The following FBXO10 variants were observed in gnomAD, a reference collection of about 807,000 sequenced individuals.
FBXO10 encodes F-box protein 10.
FBXO10 carries 39 observed loss-of-function variants against 80.7 expected under a neutral mutation model. That is an observed-to-expected ratio of 0.48 (90% confidence interval 0.37 to 0.63). The LOEUF (loss-of-function observed/expected upper bound fraction) is 0.63, where lower values mean the gene tolerates loss of function less well. FBXO10 is among the 30% of genes least tolerant of loss of function. The pLI, the probability that FBXO10 is intolerant of heterozygous loss-of-function variation, is 0.00. For missense variants in FBXO10, 1,025 were observed against 1,269.0 expected (o/e 0.81, Z 2.92); for synonymous variants, 449 against 489.6 (o/e 0.92, Z 1.09).
In FBXO10 at chr9:37,576,053, T is replaced by A. The variant is rs114832234; in HGVS notation, c.-7+158A>T. 5.3e-3 allele frequency among the ~76,000 whole-genome samples: 812 copies of A among 152,228 alleles called. 6 individuals carry two copies. Among genetic ancestry groups the A allele is most frequent in the African/African-American group, 0.018 (749 of 41,544 alleles). The stretch of plus-strand genomic sequence containing the variant: ...GCGGGCGGCCTGAGGGTACGCCTCA[T>A]GGTCCTGCCAGACCCCTGATGCCCG... On this transcript the variant is annotated intron_variant, in intron 1 of 10. Transcript: ENST00000432825.
rs371825378 is a variant in FBXO10 at position 37,537,401 on chromosome 9, G to A, written c.1128C>T (p.Tyr376=). 637 of 1,598,122 alleles carry A rather than the reference G, an allele frequency of 4.0e-4. No homozygotes were observed. The highest frequency in any genetic ancestry group is 4.8e-4 in the Non-Finnish European group (568 of 1,171,954). ...DEDQLMYRLS[Y]QVQGPRPVLG... ...ATACAGGGCGTGGGCCCTGCACTTG[G>A]TAGGATAGTCTGTACATCAGCTGGT... Residue 376 remains tyrosine, a synonymous_variant, in exon 3 of 11, where the codon TAC becomes TAT. Coordinates refer to ENST00000432825, the MANE Select transcript of FBXO10 (RefSeq NM_012166.3).
intron 1 of FBXO10, among the ~76,000 whole-genome samples, chr9:37,558,999 AC>A (rs1333859227): frequency 6.6e-6 from 1 of 151,992 alleles, no homozygotes; most frequent in Admixed American, 6.6e-5. Context: ...TTTAGTAGAG[AC>A]GAGGTTTCAC....
chr9:37,537,724 C>T lies in FBXO10; in HGVS notation c.805G>A (p.Ala269Thr). Residue 269 changes from alanine to threonine, a missense_variant, in exon 3 of 11, where the codon GCC becomes ACC. This residue lies in a region of FBXO10 where 450 missense variants were observed against 499.4 expected (regional missense o/e 0.90). Transcript: ENST00000432825. ...EGHPSADKNW[A>T]YKYLLGLIKS... ...ATAAGCCCTAGTAGATACTTGTAGG[C>T]CCAGTTCTTATCTGCAGATGGGTGA... The T allele has an allele frequency of 6.2e-7, 1 of 1,613,938 alleles. No homozygotes were observed. The highest frequency in any genetic ancestry group is 8.5e-7 in the Non-Finnish European group (1 of 1,179,860).
intron 2 of FBXO10, among the ~76,000 whole-genome samples, chr9:37,539,959 G>A (rs1381107725): frequency 6.6e-6 from 1 of 152,122 alleles, no homozygotes; most frequent in Non-Finnish European, 1.5e-5. Context: ...ATCTTACTAA[G>A]TCTGAGACCT....
At chr9:37,522,085 A>G (rs1278759394) in intron 7 of FBXO10, among the ~76,000 whole-genome samples, 1 of 152,228 alleles carries the variant, frequency 6.6e-6, no homozygotes, top group African/African-American at 2.4e-5. Context: ...GAGGACTGTC[A>G]GGCCACATGT....
At chr9:37,568,436 A>G (rs12338759) in intron 1 of FBXO10, among the ~76,000 whole-genome samples, 77,889 of 151,712 alleles carry the variant, frequency 0.51, 20,167 homozygotes, top group African/African-American at 0.58. Context: ...GACCTCAGGC[A>G]AACCGCCCAC....
intron 5 of FBXO10, among the ~76,000 whole-genome samples, chr9:37,525,994 ACCAGCATGAGTAACTGAG>A (rs1294226939): frequency 6.6e-6 from 1 of 152,074 alleles, no homozygotes; most frequent in African/African-American, 2.4e-5. Flanking sequence ...AGCTGGGACT[ACCAGCATGAGTAACTGAG>A]CCCTGGCATA....
At chr9:37,532,625 C>A (rs75041575) in intron 3 of FBXO10, among the ~76,000 whole-genome samples, 4,110 of 152,232 alleles carry the variant, frequency 0.027, 72 homozygotes, top group Middle Eastern at 0.071. Flanking sequence ...GCATTACAGG[C>A]ATGAACCACT....
At chr9:37,570,287 C>T (rs1466863145) in intron 1 of FBXO10, among the ~76,000 whole-genome samples, 1 of 151,644 alleles carries the variant, frequency 6.6e-6, no homozygotes, top group Non-Finnish European at 1.5e-5. Context: ...GCACTCCAGC[C>T]TGGGCAACAA....
At chr9:37,519,161 G>A (rs910965478) in intron 8 of FBXO10, among the ~76,000 whole-genome samples, 1 of 152,142 alleles carries the variant, frequency 6.6e-6, no homozygotes, top group Admixed American at 6.5e-5. Context: ...CACCTGCCTC[G>A]GCCTCCCAAA....
chr9:37,538,995 T>C (rs1259193044), intron 2 of FBXO10, among the ~76,000 whole-genome samples: 1 of 152,162 alleles, frequency 6.6e-6, no homozygotes, highest in Non-Finnish European at 1.5e-5. Flanking sequence ...TGGGCCCAAC[T>C]GAGAAGCAGT....
chr9:37,539,001 G>A (rs1821851816), intron 2 of FBXO10, among the ~76,000 whole-genome samples: 1 of 152,152 alleles, frequency 6.6e-6, no homozygotes, highest in African/African-American at 2.4e-5. Flanking sequence ...CAACTGAGAA[G>A]CAGTCTTGGT....
At chr9:37,526,224 T>A (rs557374777) in intron 5 of FBXO10, among the ~76,000 whole-genome samples, 1 of 151,972 alleles carries the variant, frequency 6.6e-6, no homozygotes, top group South Asian at 2.1e-4. Flanking sequence ...CTTCTCTGCA[T>A]CCAAGGAAAA....
intron 10 of FBXO10, 53 bp from the exon 11 acceptor site, chr9:37,512,774 C>A: frequency 1.3e-6 from 2 of 1,562,966 alleles, no homozygotes; most frequent in Non-Finnish European, 1.7e-6. Context: ...GCAGTGCTGG[C>A]TGAATGCCCT....
At chr9:37,539,579 T>C (rs1005195152) in intron 2 of FBXO10, among the ~76,000 whole-genome samples, 9 of 152,212 alleles carry the variant, frequency 5.9e-5, no homozygotes, top group African/African-American at 1.9e-4. Context: ...TAAGAATAAA[T>C]GTATTACAAA....
chr9:37,556,442 C>T (rs1822336701), intron 1 of FBXO10, among the ~76,000 whole-genome samples: 2 of 151,550 alleles, frequency 1.3e-5, no homozygotes, highest in Non-Finnish European at 2.9e-5. Context: ...GTCCCAGGAC[C>T]ATTTGTTAAA....
intron 5 of FBXO10, among the ~76,000 whole-genome samples, chr9:37,528,300 C>T (rs1467266671): frequency 6.6e-6 from 1 of 152,214 alleles, no homozygotes; most frequent in Non-Finnish European, 1.5e-5. Context: ...CGTCAAGGGT[C>T]ACACTGCAGT....
intron 5 of FBXO10, among the ~76,000 whole-genome samples, chr9:37,526,559 T>A (rs1454360881): frequency 1.3e-5 from 2 of 152,174 alleles, no homozygotes; most frequent in Non-Finnish European, 2.9e-5. Context: ...CTATAACAAA[T>A]TACCACAAAC....
Position 37,511,486 on chromosome 9 carries a change from A to C in FBXO10, c.*1061T>G, listed in dbSNP as rs1821052969. The C allele has an allele frequency of 6.5e-6, 1 of 153,266 alleles. No individual in the cohort carries two copies. The highest frequency in any genetic ancestry group is 2.4e-5 in the African/African-American group (1 of 41,468). 9.5% of individuals were successfully genotyped at this position (153,266 alleles called of 1,614,324 possible). ...GAGTGGGGGGTCAGGCAATGGACCC[A>C]GATAGCTCCAGGACAAGGCAGAAAG... On this transcript the variant is annotated 3_prime_UTR_variant, in exon 11 of 11. Transcript: ENST00000432825.
Sources: gnomAD v4.1 joint callset for allele counts (sites outside exome capture counted in the v4.1 genomes callset) on GRCh38, gnomAD v4.1.1 for gene constraint, gnomAD v4.1.1 regional missense constraint, MANE v1.5 for transcripts, NCBI Gene and HGNC (gene_info 2026-07-23, HGNC 2026-07-21) for gene names.